SEPTIN2: variants seen among roughly 807,000 people sequenced by gnomAD.
SEPTIN2 encodes septin-2.
A neutral mutation model predicts 46.5 loss-of-function variants in SEPTIN2; 34 were observed. The ratio of observed to expected loss-of-function variants is 0.73; its 90% CI spans 0.56 to 0.97. The LOEUF is 0.97. SEPTIN2 is among the 50% of genes least tolerant of loss of function. The probability of loss-of-function intolerance (pLI) is 0.00; values close to 1 mark genes in which losing one functional copy is unlikely to be tolerated. For synonymous variants in SEPTIN2, 175 were observed against 153.4 expected, an observed-to-expected ratio of 1.14 and a Z score of -1.04; for missense variants, 347 against 448.4, an observed-to-expected ratio of 0.77 and a Z score of 2.04.
At chr2:241,330,512 A>G (rs919796310) in intron 3 of SEPTIN2, among the ~76,000 whole-genome samples, 7 of 152,220 alleles carry the variant, frequency 4.6e-5, no homozygotes, top group South Asian at 4.1e-4. Flanking sequence ...GGTGTGGCTC[A>G]TAACAGGCAG....
rs1386484701 is a variant in SEPTIN2, at chr2:241,346,181, T to A, written c.858T>A (p.Asp286Glu). Reference protein sequence around the residue: ...LRTMLITHMQDLQEVTQDLHY... With the variant: ...LRTMLITHMQELQEVTQDLHY... ...TCTCTTTCAGCACCCACATGCAGGATCTCCAGGAGGTGACCCAGGACCTTC... is the reference window on the plus strand; with the variant it reads ...TCTCTTTCAGCACCCACATGCAGGAACTCCAGGAGGTGACCCAGGACCTTC... Residue 286 changes from aspartate to glutamate, a missense_variant, in exon 10 of 13, where the codon GAT becomes GAA. By Grantham distance (45) the Asp-to-Glu change is conservative (BLOSUM62 2). Transcript: ENST00000391971. 1.2e-6 allele frequency: 2 copies of A among 1,613,820 alleles called. No homozygotes were observed. Among genetic ancestry groups the A allele is most frequent in the Admixed American group, 3.3e-5 (2 of 59,994 alleles).
intron 1 of SEPTIN2, among the ~76,000 whole-genome samples, chr2:241,322,041 A>G (rs576673650): frequency 1.5e-4 from 23 of 152,312 alleles, no homozygotes; most frequent in African/African-American, 3.8e-4. Flanking sequence ...ACCAAGCCAA[A>G]TAACACTGGG....
chr2:241,324,649 T>C (rs1197242044), intron 2 of SEPTIN2: 1 of 291,384 alleles, frequency 3.4e-6, no homozygotes, highest in African/African-American at 2.3e-5. Context: ...CCCCCCGAAG[T>C]GTTGGGATTA....
Position 241,337,464 on chromosome 2 carries a change from A to G in SEPTIN2, c.424A>G (p.Ile142Val), listed in dbSNP as rs780724712. ...DESGLNRRHI[I>V]DNRVHCCFYF... ...GAGCGGCTTGAACAGGCGGCACATC[A>G]TTGATAATAGGGTGCATTGTTGCTT... is the stretch of plus-strand genomic sequence containing the variant. The change falls in exon 6 of 13, where the codon ATT becomes GTT. Residue 142 changes from isoleucine to valine, a missense_variant. Coordinates refer to ENST00000391971, the MANE Select transcript of SEPTIN2 (RefSeq NM_004404.5). 12 of 1,614,000 alleles carry G rather than the reference A, an allele frequency of 7.4e-6. No homozygotes were observed. In the Admixed American group the frequency reaches 1.7e-4, roughly 22 times the overall value.
At chr2:241,334,301 G>A (rs1030055186) in intron 3 of SEPTIN2, among the ~76,000 whole-genome samples, 15 of 152,216 alleles carry the variant, frequency 9.9e-5, no homozygotes, top group Admixed American at 6.5e-4. Context: ...AGTTCTCCAT[G>A]CAGAATTGAG....
At position 241,338,838 on chromosome 2, in the gene SEPTIN2, A is replaced by ATAATATATATG. The variant is rs1559643511; in HGVS notation, c.594+1048_594+1049insTAATATATATG. Reference sequence around the variant, plus strand: ...TATATTATTTATATATAATATATATAATAAATATATAATATATATAAAAAT... The same window carrying ATAATATATATG: ...TATATTATTTATATATAATATATATATAATATATATGATAAATATATAATATATATAAAAAT... On this transcript the variant is annotated intron_variant, in intron 7 of 12. Coordinates refer to ENST00000391971, the MANE Select transcript of SEPTIN2 (RefSeq NM_004404.5). Among the ~76,000 whole-genome samples, 3 of 15,186 alleles carry ATAATATATATG rather than the reference A, an allele frequency of 2.0e-4. No homozygotes were observed. The East Asian group carries it at 5.1e-3, about 26-fold the overall frequency. 10.0% of individuals were successfully genotyped at this position (15,186 alleles called of 152,430 possible).
intron 2 of SEPTIN2, 147 bp downstream of exon 2, chr2:241,324,388 CTTTTT>C (rs5839771): frequency 2.5e-3 from 1,147 of 450,692 alleles, no homozygotes; most frequent in East Asian, 3.6e-3. Flanking sequence ...ATTTAGTTGT[CTTTTT>C]TTTTTTTTTT....
chr2:241,316,326 T>C, intron 1 of SEPTIN2: 1 of 446,758 alleles, frequency 2.2e-6, no homozygotes, highest in South Asian at 3.5e-5. Context: ...GTCGGGAGGT[T>C]TGGTGCTTGG....
At chr2:241,316,401 C>T (rs907805521) in intron 1 of SEPTIN2, 3 of 947,978 alleles carry the variant, frequency 3.2e-6, no homozygotes, top group African/African-American at 1.7e-5. Flanking sequence ...GTCTTTCTAA[C>T]GGTGCCATTT....
chr2:241,326,068 C>A lies in SEPTIN2; in HGVS notation c.85C>A (p.Arg29=). The A allele has an allele frequency of 1.2e-6, 2 of 1,613,304 alleles. No individual in the cohort carries two copies. The highest frequency in any genetic ancestry group is 1.7e-6 in the Non-Finnish European group (2 of 1,179,544). ...GFANLPNQVH[R]KSVKKGFEFT... ...TGCAAACCTCCCCAATCAAGTTCACCGAAAATCAGTGAAAAAAGGTTTTGA... is the reference window on the plus strand; with the variant it reads ...TGCAAACCTCCCCAATCAAGTTCACAGAAAATCAGTGAAAAAAGGTTTTGA... The change falls in exon 3 of 13, where the codon CGA becomes AGA. Residue 29 remains arginine (R), a synonymous_variant. Transcript: ENST00000391971.
intron 3 of SEPTIN2, among the ~76,000 whole-genome samples, chr2:241,328,227 G>A (rs903982867): frequency 2.6e-5 from 4 of 152,052 alleles, no homozygotes; most frequent in African/African-American, 9.7e-5. Context: ...TTGAGGTCAG[G>A]AGTTTGAGAC....
chr2:241,346,591 T>TA (rs202188893), intron 10 of SEPTIN2: 29 of 152,274 alleles, frequency 1.9e-4, no homozygotes, highest in Middle Eastern at 3.0e-3. Context: ...CTACAAAAAT[T>TA]TAAAAAAAAA....
chr2:241,338,953 ATAAT>A (rs1316342131), intron 7 of SEPTIN2, among the ~76,000 whole-genome samples: 3 of 100,888 alleles, frequency 3.0e-5, no homozygotes, highest in Non-Finnish European at 5.5e-5. Context: ...TATTATATAT[ATAAT>A]ATATATTATA....
intron 11 of SEPTIN2, 126 bp from the exon 12 acceptor site, chr2:241,349,947 T>C (rs953907374): frequency 7.4e-6 from 6 of 811,718 alleles, no homozygotes; most frequent in South Asian, 1.6e-5. Flanking sequence ...AAAGTCTTTA[T>C]GTAATAACTC....
rs557465802 is a variant in SEPTIN2, at chr2:241,317,528, T to G, written c.-18+1546T>G. 177 of 983,950 alleles carry G rather than the reference T, an allele frequency of 1.8e-4. No individual in the cohort carries two copies. In the African/African-American group the frequency reaches 2.8e-3, roughly 16 times the overall value. The allele number at this position is 983,950 out of a possible 1,614,324, so 61.0% of individuals were successfully genotyped here. On this transcript the variant is annotated intron_variant, in intron 1 of 12. Coordinates refer to ENST00000391971, the MANE Select transcript of SEPTIN2 (RefSeq NM_004404.5). Reference sequence around the variant, plus strand: ...CAGAAACTGCTGTAAAAGAAGAAGTTGTGGGTATTTTTTTTTTTTTTTTTG... The same window carrying G: ...CAGAAACTGCTGTAAAAGAAGAAGTGGTGGGTATTTTTTTTTTTTTTTTTG...
chr2:241,332,589 C>A (rs2079175640), intron 3 of SEPTIN2, among the ~76,000 whole-genome samples: 1 of 152,196 alleles, frequency 6.6e-6, no homozygotes, highest in Non-Finnish European at 1.5e-5. Context: ...CAGTTTGGTA[C>A]TTCCTTAACA....
Position 241,352,231 on chromosome 2 carries a change from A to T in SEPTIN2, c.*294A>T, listed in dbSNP as rs2060846542. 1 of 152,684 alleles carries T rather than the reference A, an allele frequency of 6.5e-6. No homozygotes were observed. Among genetic ancestry groups the T allele is most frequent in the Non-Finnish European group, 1.5e-5 (1 of 68,050 alleles). 9.5% of individuals were successfully genotyped at this position (152,684 alleles called of 1,614,324 possible). A position where few individuals can be genotyped will look rare whatever the true frequency, so the allele number is the denominator to read the frequency against. On this transcript the variant is annotated 3_prime_UTR_variant, in exon 13 of 13. Coordinates refer to ENST00000391971, the MANE Select transcript of SEPTIN2 (RefSeq NM_004404.5). The stretch of plus-strand genomic sequence containing the variant: ...TTAGAATTGATTTCCAAGAATCGGC[A>T]TGTATACTTAATACTGAATTTCTTT...
chr2:241,343,014 A>G lies in SEPTIN2; in HGVS notation c.617A>G (p.His206Arg), dbSNP rs753111701. The G allele has an allele frequency of 1.4e-5, 22 of 1,606,776 alleles. No individual in the cohort carries two copies. The highest frequency in any genetic ancestry group is 1.5e-5 in the Non-Finnish European group (18 of 1,174,232). The change falls in exon 8 of 13, where the codon CAT becomes CGT. Residue 206 changes from histidine to arginine, a missense_variant. Coordinates refer to ENST00000391971, the MANE Select transcript of SEPTIN2 (RefSeq NM_004404.5). ...CAGATTCTGGATGAAATTGAAGAAC[A>G]TAACATCAAAATCTATCACTTACCT... ...KKRILDEIEEHNIKIYHLPDA... is the reference protein window; with the variant it reads ...KKRILDEIEERNIKIYHLPDA...
At position 241,335,154 on chromosome 2, in the gene SEPTIN2, C is replaced by T. The variant is rs761856301; in HGVS notation, c.159C>T (p.Leu53=). The change falls in exon 4 of 13, where the codon CTC becomes CTT. Residue 53 remains leucine (L), a synonymous_variant. Coordinates refer to ENST00000391971, the MANE Select transcript of SEPTIN2 (RefSeq NM_004404.5). ...AATCAGGTCTAGGAAAATCGACTCT[C>T]ATAAACAGCCTATTCCTAACTGATC... The part of the protein sequence containing the change: ...VGESGLGKST[L]INSLFLTDLY... 8.1e-6 allele frequency: 13 copies of T among 1,613,654 alleles called. No homozygotes were observed. The highest frequency in any genetic ancestry group is 6.7e-5 in the Admixed American group (4 of 59,984).
Sources: gnomAD v4.1 joint callset for allele counts (sites outside exome capture counted in the v4.1 genomes callset) on GRCh38, gnomAD v4.1.1 for gene constraint, MANE v1.5 for transcripts, NCBI Gene and HGNC (gene_info 2026-07-23, HGNC 2026-07-21) for gene names.